Variants in CACHD1 observed in about 807,000 individuals in gnomAD.
CACHD1 encodes cache domain containing 1.
A neutral mutation model predicts 138.7 loss-of-function variants in CACHD1; 71 were observed. That is an observed-to-expected ratio of 0.51 (90% CI 0.42 to 0.62). CACHD1 has a LOEUF of 0.62. Among genes scored for constraint, CACHD1 ranks in the 20% least tolerant of loss-of-function variants. CACHD1 has a pLI of 0.00. For missense variants in CACHD1, 1,389 were observed against 1,625.3 expected (o/e 0.85, Z 2.50); for synonymous variants, 578 against 591.5 (o/e 0.98, Z 0.33).
At chr1:64,652,036 A>G (rs1408601200) in intron 9 of CACHD1, 125 bp from the exon 10 acceptor site, 4 of 795,372 alleles carry the variant, frequency 5.0e-6, no homozygotes, top group Non-Finnish European at 7.6e-6. Flanking sequence ...CACATGGGAA[A>G]CTTTTCTTCC....
intron 21 of CACHD1, 41 bp downstream of exon 21, chr1:64,676,024 TAATAATAATAATAATAC>T (rs1372692830): frequency 3.9e-6 from 2 of 517,238 alleles, no homozygotes; most frequent in African/African-American, 5.2e-5. Context: ...ATAATAATAA[TAATAATAATAATAATAC>T]ATATGTAATA....
At chr1:64,500,734 AAGAGAGAGAGAGAGAG>A (rs5774705) in intron 1 of CACHD1, among the ~76,000 whole-genome samples, 47 of 26,482 alleles carry the variant, frequency 1.8e-3, no homozygotes, top group Non-Finnish European at 4.1e-3. Flanking sequence ...AAAAAAAAAA[AAGAGAGAGAGAGAGAG>A]AGAGAGAGAG....
chr1:64,628,447 C>G (rs1648189165), intron 4 of CACHD1, among the ~76,000 whole-genome samples: 1 of 152,136 alleles, frequency 6.6e-6, no homozygotes, highest in Non-Finnish European at 1.5e-5. Context: ...CAGAATGGAG[C>G]AGAACAAAAG....
intron 1 of CACHD1, among the ~76,000 whole-genome samples, chr1:64,512,169 G>C (rs1215128858): frequency 6.6e-6 from 1 of 152,032 alleles, no homozygotes; most frequent in African/African-American, 2.4e-5. Context: ...CAAGGCGGGT[G>C]GATCACCTGA....
intron 1 of CACHD1, among the ~76,000 whole-genome samples, chr1:64,478,603 C>T (rs1646190272): frequency 6.6e-6 from 1 of 152,122 alleles, no homozygotes; most frequent in African/African-American, 2.4e-5. Flanking sequence ...CCAGTGCCTC[C>T]CCCTAAGACC....
rs146111773 is a variant in CACHD1, at chr1:64,620,793, G to T, written c.518-8562G>T. 7.2e-3 allele frequency among the ~76,000 whole-genome samples: 1,089 copies of T among 152,144 alleles called. 8 individuals are homozygous for T. The highest frequency in any genetic ancestry group is 0.017 in the Middle Eastern group (5 of 294). On this transcript the variant is annotated intron_variant, in intron 4 of 26. Coordinates refer to ENST00000651257, the MANE Select transcript of CACHD1 (RefSeq NM_020925.4). Reference sequence around the variant, plus strand: ...ATTTTGGAAACTATTTTTATAATAGGTTTCTTTTGTAATCTTAAATGTTTT... The same window carrying T: ...ATTTTGGAAACTATTTTTATAATAGTTTTCTTTTGTAATCTTAAATGTTTT...
At chr1:64,608,117 TA>T (rs1647395948) in intron 4 of CACHD1, among the ~76,000 whole-genome samples, 2 of 152,198 alleles carry the variant, frequency 1.3e-5, no homozygotes, top group Admixed American at 1.3e-4. Context: ...ACCTACTACA[TA>T]ACAAGAGTTG....
intron 1 of CACHD1, among the ~76,000 whole-genome samples, chr1:64,494,210 A>G (rs1002792837): frequency 6.6e-6 from 1 of 152,178 alleles, no homozygotes; most frequent in Non-Finnish European, 1.5e-5. Flanking sequence ...GCCCACAACA[A>G]TGGTGGCTTC....
At chr1:64,672,571 CA>C (rs1649851690) in intron 17 of CACHD1, among the ~76,000 whole-genome samples, 1 of 152,044 alleles carries the variant, frequency 6.6e-6, no homozygotes, top group South Asian at 2.1e-4. Context: ...TAAACTATCA[CA>C]GGTAGATATA....
At chr1:64,601,435 G>A (rs749616285) in intron 3 of CACHD1, among the ~76,000 whole-genome samples, 1 of 152,188 alleles carries the variant, frequency 6.6e-6, no homozygotes, top group Non-Finnish European at 1.5e-5. Flanking sequence ...TCCAAGGAAG[G>A]GCAGCCACGT....
intron 9 of CACHD1, among the ~76,000 whole-genome samples, chr1:64,648,289 G>T (rs1333194119): frequency 6.6e-6 from 1 of 152,150 alleles, no homozygotes; most frequent in African/African-American, 2.4e-5. Context: ...GAACTAAAGG[G>T]TAGCTTTGTA....
At chr1:64,576,324 T>G (rs1013203112) in intron 2 of CACHD1, among the ~76,000 whole-genome samples, 5 of 152,180 alleles carry the variant, frequency 3.3e-5, no homozygotes, top group Non-Finnish European at 5.9e-5. Context: ...AGACCCAGAA[T>G]CTGTCTGGCT....
intron 1 of CACHD1, among the ~76,000 whole-genome samples, chr1:64,530,958 A>G (rs1256348115): frequency 1.4e-5 from 2 of 148,030 alleles, no homozygotes; most frequent in African/African-American, 2.5e-5. Context: ...AGAAGGAAGA[A>G]TGAATTCTCA....
intron 4 of CACHD1, among the ~76,000 whole-genome samples, chr1:64,608,949 C>T (rs762332206): frequency 1.3e-5 from 2 of 152,092 alleles, no homozygotes; most frequent in South Asian, 2.1e-4. Flanking sequence ...TTCTTTATTG[C>T]GTTTGATTTT....
chr1:64,598,631 G>T (rs1173721594), intron 3 of CACHD1, among the ~76,000 whole-genome samples: 1 of 152,094 alleles, frequency 6.6e-6, no homozygotes, highest in Non-Finnish European at 1.5e-5. Flanking sequence ...GTTTTAGAGA[G>T]AATTGAGAAT....
intron 1 of CACHD1, among the ~76,000 whole-genome samples, chr1:64,500,128 A>G (rs537654050): frequency 7.2e-5 from 11 of 152,344 alleles, no homozygotes; most frequent in African/African-American, 2.4e-4. Flanking sequence ...CAAGAGAGGC[A>G]TGGAGAGCTC....
intron 1 of CACHD1, among the ~76,000 whole-genome samples, chr1:64,523,302 A>G (rs1384531455): frequency 2.0e-5 from 3 of 152,192 alleles, no homozygotes; most frequent in Non-Finnish European, 4.4e-5. Flanking sequence ...AAACTAGGTA[A>G]TGGGTATGTG....
At chr1:64,668,279 A>G (rs528727244) in intron 16 of CACHD1, among the ~76,000 whole-genome samples, 24 of 151,584 alleles carry the variant, frequency 1.6e-4, no homozygotes, top group African/African-American at 5.6e-4. Flanking sequence ...GTGAGCCGAG[A>G]TCGTACCACT....
chr1:64,664,055 T>C (rs949890953), intron 14 of CACHD1: 5 of 548,790 alleles, frequency 9.1e-6, no homozygotes, highest in Non-Finnish European at 1.6e-5. Flanking sequence ...TTACAGGCCT[T>C]AGAAGCACTG....
Sources: gnomAD v4.1 joint callset for allele counts (sites outside exome capture counted in the v4.1 genomes callset) on GRCh38, gnomAD v4.1.1 for gene constraint, MANE v1.5 for transcripts, NCBI Gene and HGNC (gene_info 2026-07-23, HGNC 2026-07-21) for gene names.